Variants in IGF2BP2 observed in about 807,000 individuals in gnomAD.
IGF2BP2 encodes insulin like growth factor 2 mRNA binding protein 2.
In IGF2BP2, 17 loss-of-function variants were observed where a neutral mutation model predicts 75.8. The observed-to-expected ratio is 0.22, with a 90% CI of 0.15 to 0.34. The LOEUF (loss-of-function observed/expected upper bound fraction) is 0.34. IGF2BP2 is among the 10% of genes least tolerant of loss of function. IGF2BP2 has a pLI of 1.00. For missense variants in IGF2BP2, 516 were observed against 772.4 expected, an observed-to-expected ratio of 0.67 and a Z score of 3.93; for synonymous variants, 288 against 295.6, an observed-to-expected ratio of 0.97 and a Z score of 0.26.
intron 2 of IGF2BP2, among the ~76,000 whole-genome samples, chr3:185,720,574 T>A (rs994838494): frequency 6.6e-6 from 1 of 152,204 alleles, no homozygotes; most frequent in Non-Finnish European, 1.5e-5. Context: ...GCACTGGAAA[T>A]GAAGCTTGTT....
chr3:185,739,838 T>C (rs1337427594), intron 2 of IGF2BP2, among the ~76,000 whole-genome samples: 1 of 133,274 alleles, frequency 7.5e-6, no homozygotes, highest in Non-Finnish European at 1.6e-5. Flanking sequence ...ATGTCCTTTT[T>C]TTCCCTCCCC....
chr3:185,820,173 G>A (rs754315761), intron 2 of IGF2BP2, among the ~76,000 whole-genome samples: 1 of 150,720 alleles, frequency 6.6e-6, no homozygotes, highest in Non-Finnish European at 1.5e-5. Flanking sequence ...ATTCAAGTTA[G>A]CATGTCTTAG....
chr3:185,788,800 C>T (rs1467062545), intron 2 of IGF2BP2, among the ~76,000 whole-genome samples: 2 of 151,464 alleles, frequency 1.3e-5, no homozygotes, highest in African/African-American at 2.4e-5. Context: ...CTGCAGCCTC[C>T]ACCTCCTGGG....
chr3:185,823,083 A>G lies in IGF2BP2; in HGVS notation c.239+70T>C. 3 of 979,658 alleles carry G rather than the reference A, an allele frequency of 3.1e-6. No individual in the cohort carries two copies. The East Asian group carries it at 8.0e-5, about 26-fold the overall frequency. 60.7% of individuals were successfully genotyped at this position (979,658 alleles called of 1,614,324 possible). ...AAACTACCAAGAGCACGTTTTTTAA[A>G]GCTGTGTGTACGTTTTTTACTTATA... On this transcript the variant is annotated intron_variant, in intron 2 of 15. Coordinates refer to ENST00000382199, the MANE Select transcript of IGF2BP2 (RefSeq NM_006548.6).
chr3:185,703,804 A>G (rs932925543), intron 2 of IGF2BP2, among the ~76,000 whole-genome samples: 3 of 152,238 alleles, frequency 2.0e-5, no homozygotes, highest in Admixed American at 1.3e-4. Flanking sequence ...AAAGAAAGAA[A>G]GCAAAACACC....
intron 2 of IGF2BP2, chr3:185,767,760 G>A (rs1733289153): frequency 6.5e-6 from 1 of 154,116 alleles, no homozygotes; most frequent in Admixed American, 6.5e-5. Flanking sequence ...ATGTATTAGG[G>A]TTGAAAATGA....
intron 10 of IGF2BP2, among the ~76,000 whole-genome samples, chr3:185,662,333 C>T (rs563296572): frequency 6.6e-6 from 1 of 151,894 alleles, no homozygotes; most frequent in Non-Finnish European, 1.5e-5. Context: ...CAAAAATTAG[C>T]CAGGCATGGT....
At chr3:185,818,157 T>C (rs559327084) in intron 2 of IGF2BP2, among the ~76,000 whole-genome samples, 1 of 152,352 alleles carries the variant, frequency 6.6e-6, no homozygotes. Context: ...AAATACCATA[T>C]TGCTTTTCAA....
chr3:185,750,998 C>G (rs944294454), intron 2 of IGF2BP2, among the ~76,000 whole-genome samples: 5 of 152,200 alleles, frequency 3.3e-5, no homozygotes, highest in African/African-American at 9.7e-5. Context: ...GGGCAGATCA[C>G]CTGAGGTTAG....
chr3:185,711,957 C>A (rs1018396575), intron 2 of IGF2BP2, among the ~76,000 whole-genome samples: 8 of 152,198 alleles, frequency 5.3e-5, no homozygotes, highest in Admixed American at 2.6e-4. Context: ...AAACACCAAA[C>A]TCCCCTTTCC....
intron 4 of IGF2BP2, among the ~76,000 whole-genome samples, chr3:185,694,195 C>A (rs1722292989): frequency 1.3e-5 from 2 of 152,292 alleles, no homozygotes; most frequent in South Asian, 2.1e-4. Context: ...CCACAGAAGT[C>A]CTCACAGTGC....
intron 7 of IGF2BP2, among the ~76,000 whole-genome samples, chr3:185,683,653 C>G (rs1458493614): frequency 6.6e-6 from 1 of 152,304 alleles, no homozygotes; most frequent in Admixed American, 6.5e-5. Flanking sequence ...AGTGATCCAC[C>G]TTGTCTCAGC....
chr3:185,781,139 CA>C (rs1162359219), intron 2 of IGF2BP2, among the ~76,000 whole-genome samples: 4 of 151,774 alleles, frequency 2.6e-5, no homozygotes, highest in African/African-American at 9.7e-5. Flanking sequence ...AATAAGGCTG[CA>C]AAAAAATACT....
At chr3:185,646,588 A>T (rs1713595901) in intron 15 of IGF2BP2, among the ~76,000 whole-genome samples, 1 of 152,150 alleles carries the variant, frequency 6.6e-6, no homozygotes, top group South Asian at 2.1e-4. Flanking sequence ...GAGGAGGAGG[A>T]GAGAGAAATG....
At chr3:185,790,479 T>G (rs770329754) in intron 2 of IGF2BP2, among the ~76,000 whole-genome samples, 2 of 152,204 alleles carry the variant, frequency 1.3e-5, no homozygotes, top group Non-Finnish European at 2.9e-5. Flanking sequence ...ATTATACTAA[T>G]CTATGGAAAG....
chr3:185,741,642 G>A (rs1220419785), intron 2 of IGF2BP2, among the ~76,000 whole-genome samples: 1 of 152,194 alleles, frequency 6.6e-6, no homozygotes, highest in Non-Finnish European at 1.5e-5. Flanking sequence ...AAAAAGCCAT[G>A]GAAAGGGTGA....
Position 185,759,681 on chromosome 3 carries a change from T to C in IGF2BP2, c.240-61334A>G, listed in dbSNP as rs77496173. On this transcript the variant is annotated intron_variant, in intron 2 of 15. Coordinates refer to ENST00000382199, the MANE Select transcript of IGF2BP2 (RefSeq NM_006548.6). ...CTTACTAGAATTTCATGCTTACTTA[T>C]ACATGTGACTTAGAGCCAGCACCCA... 8.5e-4 allele frequency among the ~76,000 whole-genome samples: 130 copies of C among 152,342 alleles called. 1 individual carries two copies. In the East Asian group the frequency reaches 0.014, roughly 17 times the overall value.
At chr3:185,730,013 G>A (rs1409564749) in intron 2 of IGF2BP2, among the ~76,000 whole-genome samples, 2 of 152,196 alleles carry the variant, frequency 1.3e-5, no homozygotes, top group Non-Finnish European at 2.9e-5. Context: ...GGGTATGTGT[G>A]CAGGTTTGTT....
intron 2 of IGF2BP2, among the ~76,000 whole-genome samples, chr3:185,759,570 C>T (rs543728890): frequency 3.5e-4 from 54 of 152,312 alleles, no homozygotes; most frequent in Admixed American, 7.2e-4. Flanking sequence ...CTCTGCCTTT[C>T]TGTTAAGAGT....
Sources: allele counts gnomAD v4.1 joint callset (sites outside exome capture counted in the v4.1 genomes callset), GRCh38; gene constraint gnomAD v4.1.1; transcripts MANE v1.5; gene names NCBI Gene and HGNC (gene_info 2026-07-23, HGNC 2026-07-21).